The following HLCS variants were observed in gnomAD, a reference collection of about 807,000 sequenced individuals.
HLCS encodes biotin--protein ligase.
A neutral mutation model predicts 75.0 loss-of-function variants in HLCS; 53 were observed. That is an observed-to-expected ratio of 0.71 (90% CI 0.57 to 0.89). HLCS has a LOEUF of 0.89. Ranked by LOEUF, HLCS falls within the 40% of genes least tolerant of loss-of-function variation. HLCS has a pLI of 0.00. For synonymous variants in HLCS, 431 were observed against 428.6 expected (o/e 1.01, Z -0.07); for missense variants, 966 against 1,074.0 (o/e 0.90, Z 1.41).
intron 6 of HLCS, among the ~76,000 whole-genome samples, chr21:36,827,164 T>C (rs2146030892): frequency 1.3e-5 from 2 of 152,202 alleles, no homozygotes; most frequent in Admixed American, 1.3e-4. Context: ...GAGCTTATAC[T>C]GGAAGTCTGT....
At chr21:36,818,113 C>A (rs577646428) in intron 6 of HLCS, among the ~76,000 whole-genome samples, 1 of 152,304 alleles carries the variant, frequency 6.6e-6, no homozygotes, top group African/African-American at 2.4e-5. Context: ...AAACATCTAA[C>A]TCCTAAATAC....
At chr21:36,970,144 T>C (rs977820997), upstream of HLCS, among the ~76,000 whole-genome samples, 1 of 152,238 alleles carries the variant, frequency 6.6e-6, no homozygotes, top group African/African-American at 2.4e-5. Flanking sequence ...AGGGAAAGCC[T>C]ATCATACTGA....
At chr21:36,957,343 T>A (rs147641281) in intron 2 of HLCS, among the ~76,000 whole-genome samples, 1 of 152,212 alleles carries the variant, frequency 6.6e-6, no homozygotes, top group Non-Finnish European at 1.5e-5. Flanking sequence ...CTTTCTGCCA[T>A]GACTGTTCCT....
chr21:36,862,634 A>C (rs1389323587), intron 6 of HLCS, among the ~76,000 whole-genome samples: 1 of 152,196 alleles, frequency 6.6e-6, no homozygotes, highest in Non-Finnish European at 1.5e-5. Flanking sequence ...ATTTTGACCT[A>C]CAAGTTCAGA....
rs765361553 is a variant in HLCS, at chr21:36,954,177, G to A, written c.330+7859C>T. Among the ~76,000 whole-genome samples the A allele has an allele frequency of 2.6e-4, 39 of 152,128 alleles. No homozygotes were observed. The Middle Eastern group carries it at 0.01, about 40-fold the overall frequency. Reference sequence around the variant, plus strand: ...AAAAATTAGCCGGGCATGGTGGCTCGCGCCTGTATTCCCAGCTACTAGGGA... The same window carrying A: ...AAAAATTAGCCGGGCATGGTGGCTCACGCCTGTATTCCCAGCTACTAGGGA... On this transcript the variant is annotated intron_variant, in intron 2 of 10. Coordinates refer to ENST00000674895, the MANE Select transcript of HLCS (RefSeq NM_001352514.2).
intron 6 of HLCS, among the ~76,000 whole-genome samples, chr21:36,856,024 T>C (rs543799560): frequency 6.6e-6 from 1 of 151,926 alleles, no homozygotes; most frequent in East Asian, 1.9e-4. Flanking sequence ...GGCAAATCCA[T>C]AGAAACAGAA....
intron 6 of HLCS, among the ~76,000 whole-genome samples, chr21:36,867,526 T>G (rs192188351): frequency 3.2e-4 from 49 of 152,314 alleles, no homozygotes; most frequent in African/African-American, 1.1e-3. Flanking sequence ...TTCTTGCCAA[T>G]GAAGCATACC....
chr21:36,856,324 G>C (rs2063191989), intron 6 of HLCS, among the ~76,000 whole-genome samples: 1 of 152,166 alleles, frequency 6.6e-6, no homozygotes, highest in Admixed American at 6.5e-5. Flanking sequence ...AGAACTGGAG[G>C]GGAAAAAGGT....
chr21:36,917,950 TAAA>T (rs71311088), intron 5 of HLCS, among the ~76,000 whole-genome samples: 1 of 141,100 alleles, frequency 7.1e-6, no homozygotes. Context: ...TCTCTTGCAT[TAAA>T]AAAAAAAAAA....
In HLCS at chr21:36,842,662, G is replaced by A. The variant is rs1486366786; in HGVS notation, c.1892+54198C>T. On this transcript the variant is annotated intron_variant, in intron 6 of 10. Coordinates refer to ENST00000674895, the MANE Select transcript of HLCS (RefSeq NM_001352514.2). This position sits in a 1 kb window ranked among gnomAD's most constrained non-coding sequence, Gnocchi z 4.2. The stretch of plus-strand genomic sequence containing the variant: ...GGAGGCTGAGGCACGAGAATTGCTT[G>A]AACCCGGGAGGTGGAGGTTGCAGTA... Among the ~76,000 whole-genome samples, 2 of 152,138 alleles carry A rather than the reference G, an allele frequency of 1.3e-5. No homozygotes were observed. The highest frequency in any genetic ancestry group is 2.9e-5 in the Non-Finnish European group (2 of 68,006).
intron 6 of HLCS, among the ~76,000 whole-genome samples, chr21:36,770,023 T>A (rs2090175933): frequency 6.6e-6 from 1 of 151,940 alleles, no homozygotes. Flanking sequence ...TCTGATAAAT[T>A]AAGTCAATGG....
At chr21:36,923,744 G>C (rs1169913577) in intron 5 of HLCS, among the ~76,000 whole-genome samples, 4 of 152,108 alleles carry the variant, frequency 2.6e-5, no homozygotes, top group African/African-American at 4.8e-5. Flanking sequence ...AGGGAGCACA[G>C]GAAAACCCCC....
intron 6 of HLCS, among the ~76,000 whole-genome samples, chr21:36,789,702 C>T (rs1274962269): frequency 5.3e-5 from 8 of 152,312 alleles, no homozygotes; most frequent in African/African-American, 7.2e-5. Context: ...ACAACGATTG[C>T]CACCTTACGC....
At chr21:36,767,815 T>G (rs2090093780) in intron 6 of HLCS, among the ~76,000 whole-genome samples, 1 of 152,206 alleles carries the variant, frequency 6.6e-6, no homozygotes, top group Non-Finnish European at 1.5e-5. Flanking sequence ...AATTATGATT[T>G]AACTATGGTA....
intron 6 of HLCS, among the ~76,000 whole-genome samples, chr21:36,825,987 G>A (rs769737098): frequency 2.5e-4 from 38 of 152,194 alleles, no homozygotes; most frequent in Non-Finnish European, 3.5e-4. Context: ...AAGGCAGAGG[G>A]AGTTTCTTCA....
chr21:36,983,851 T>A (rs1021884183), intron 1 of HLCS, among the ~76,000 whole-genome samples: 29 of 145,814 alleles, frequency 2.0e-4, no homozygotes, highest in Non-Finnish European at 2.7e-4. Flanking sequence ...AAAAAAAAAT[T>A]TTTTTTTTTT....
intron 6 of HLCS, among the ~76,000 whole-genome samples, chr21:36,822,781 G>A (rs2061887380): frequency 6.6e-6 from 1 of 152,116 alleles, no homozygotes; most frequent in South Asian, 2.1e-4. Context: ...ATCCATGCAT[G>A]GAAAAATTCC....
chr21:36,914,874 G>A (rs1050485224), intron 5 of HLCS, among the ~76,000 whole-genome samples: 5 of 152,202 alleles, frequency 3.3e-5, no homozygotes, highest in South Asian at 2.1e-4. Flanking sequence ...GAAAACGCCC[G>A]CCATTTGTCT....
intron 6 of HLCS, among the ~76,000 whole-genome samples, chr21:36,879,626 G>A (rs1403217957): frequency 6.6e-6 from 1 of 152,116 alleles, no homozygotes; most frequent in Non-Finnish European, 1.5e-5. Flanking sequence ...GGAAGGGGAT[G>A]CCTCAAGTTA....
Sources: allele counts gnomAD v4.1 joint callset (sites outside exome capture counted in the v4.1 genomes callset), GRCh38; gene constraint gnomAD v4.1.1; non-coding constraint Gnocchi (gnomAD v3.1); transcripts MANE v1.5; gene names NCBI Gene and HGNC (gene_info 2026-07-23, HGNC 2026-07-21).